The following DSCAML1 variants were observed in gnomAD, a reference collection of about 807,000 sequenced individuals.
DSCAML1 encodes the protein cell adhesion molecule DSCAML1.
DSCAML1 carries 38 observed loss-of-function variants against 200.5 expected under a neutral mutation model. The ratio of observed to expected loss-of-function variants is 0.19; its 90% confidence interval spans 0.15 to 0.25. The LOEUF is 0.25. DSCAML1 is among the 10% of genes least tolerant of loss of function. DSCAML1 has a pLI of 1.00. For missense variants in DSCAML1, 2,223 were observed against 2,858.8 expected, an observed-to-expected ratio of 0.78 and a Z score of 5.07; for synonymous variants, 1,215 against 1,165.0, an observed-to-expected ratio of 1.04 and a Z score of -0.87.
intron 3 of DSCAML1, among the ~76,000 whole-genome samples, chr11:117,693,999 T>C (rs933188542): frequency 6.6e-6 from 1 of 151,006 alleles, no homozygotes; most frequent in Admixed American, 6.6e-5. Context: ...CTCAGTGAAG[T>C]GTGGCTTTGT....
In DSCAML1 at chr11:117,469,840, G is replaced by A. The variant is rs964730699; in HGVS notation, c.3024+70C>T. On this transcript the variant is annotated intron_variant, in intron 16 of 32. Coordinates refer to ENST00000651296, the MANE Select transcript of DSCAML1 (RefSeq NM_020693.4). The surrounding 1 kb of genome is among the most constrained non-coding windows in gnomAD (Gnocchi z 4.1). ...CTAGAGACTAGCAAGCCTGCTGGGAGCTTTCGTCCTGGATTGAGGAGAGAG... is the reference window on the plus strand; with the variant it reads ...CTAGAGACTAGCAAGCCTGCTGGGAACTTTCGTCCTGGATTGAGGAGAGAG... 5.7e-6 allele frequency: 8 copies of A among 1,402,016 alleles called. No individual in the cohort carries two copies. The African/African-American group carries it at 1.0e-4, about 17-fold the overall frequency. The allele number at this position is 1,402,016 out of a possible 1,614,324, so 86.8% of individuals were successfully genotyped here.
intron 3 of DSCAML1, among the ~76,000 whole-genome samples, chr11:117,679,957 C>G (rs1432045324): frequency 6.6e-6 from 1 of 152,214 alleles, no homozygotes; most frequent in Non-Finnish European, 1.5e-5. Flanking sequence ...CTGTGATGCC[C>G]TGGACTTTGC....
rs181288393 is a variant in DSCAML1, at chr11:117,626,831, A to G, written c.512-94309T>C. 3.4e-3 allele frequency among the ~76,000 whole-genome samples: 512 copies of G among 152,272 alleles called. 4 individuals are homozygous for G. The highest frequency in any genetic ancestry group is 0.013 in the Admixed American group (203 of 15,300). On this transcript the variant is annotated intron_variant, in intron 3 of 32. Coordinates refer to ENST00000651296, the MANE Select transcript of DSCAML1 (RefSeq NM_020693.4). ...GGGACAAGACTCAGAGGGCCTGGCC[A>G]TGAGCGGCAGGTGCAGAGTAGGGGC...
intron 3 of DSCAML1, among the ~76,000 whole-genome samples, chr11:117,634,179 G>A (rs1385522118): frequency 6.6e-6 from 1 of 152,202 alleles, no homozygotes; most frequent in Admixed American, 6.5e-5. Context: ...GGATGATTCA[G>A]TTCCCTCATG....
intron 3 of DSCAML1, among the ~76,000 whole-genome samples, chr11:117,680,926 G>A (rs536379559): frequency 3.3e-5 from 5 of 152,300 alleles, no homozygotes; most frequent in African/African-American, 9.6e-5. Context: ...AGAGCCTGAC[G>A]AGGTGAAGCC....
chr11:117,755,894 G>C (rs1425945724), intron 3 of DSCAML1, among the ~76,000 whole-genome samples: 1 of 152,052 alleles, frequency 6.6e-6, no homozygotes, highest in East Asian at 1.9e-4. Context: ...GGCTCCTCTG[G>C]AGTTCCTGCC....
intron 3 of DSCAML1, among the ~76,000 whole-genome samples, chr11:117,541,659 G>C (rs2050270949): frequency 6.6e-6 from 1 of 152,208 alleles, no homozygotes; most frequent in Admixed American, 6.5e-5. Context: ...GGAGCTAACA[G>C]AAGAGAAAAA....
intron 3 of DSCAML1, among the ~76,000 whole-genome samples, chr11:117,687,983 C>G (rs2053434138): frequency 6.6e-6 from 1 of 152,202 alleles, no homozygotes. Context: ...GCAGCTTCTC[C>G]TGCAGACCCA....
chr11:117,661,054 C>T (rs2052839219), intron 3 of DSCAML1, among the ~76,000 whole-genome samples: 2 of 152,162 alleles, frequency 1.3e-5, no homozygotes, highest in Non-Finnish European at 2.9e-5. Flanking sequence ...CAGTCCTTTG[C>T]TTTCTTAGAA....
intron 1 of DSCAML1, among the ~76,000 whole-genome samples, chr11:117,788,309 T>C (rs2055398802): frequency 6.6e-6 from 1 of 151,988 alleles, no homozygotes; most frequent in South Asian, 2.1e-4. Flanking sequence ...GTTGTTGTTG[T>C]TTTGTTTTTG....
At chr11:117,435,520 C>G in intron 27 of DSCAML1, 124 bp downstream of exon 27, 1 of 1,165,680 alleles carries the variant, frequency 8.6e-7, no homozygotes, top group East Asian at 2.5e-5. Flanking sequence ...AGTGGCTGCT[C>G]CTCCTTCAAG....
chr11:117,652,883 TCTC>T (rs1485259804), intron 3 of DSCAML1, among the ~76,000 whole-genome samples: 11 of 152,250 alleles, frequency 7.2e-5, no homozygotes, highest in African/African-American at 1.4e-4. Flanking sequence ...CCATGGGACT[TCTC>T]CTTCTTTCTC....
At chr11:117,584,850 T>G (rs1239343918) in intron 3 of DSCAML1, among the ~76,000 whole-genome samples, 1 of 152,192 alleles carries the variant, frequency 6.6e-6, no homozygotes, top group Non-Finnish European at 1.5e-5. Context: ...TTCTGTAAAA[T>G]GGCTTAACAG....
chr11:117,581,166 T>C (rs1250933091), intron 3 of DSCAML1, among the ~76,000 whole-genome samples: 1 of 152,190 alleles, frequency 6.6e-6, no homozygotes, highest in Non-Finnish European at 1.5e-5. Flanking sequence ...CCTGTGCACT[T>C]TGAGGCAGGA....
At chr11:117,486,355 GGATGTGAAAGTGGCT>G (rs1247298321) in intron 11 of DSCAML1, among the ~76,000 whole-genome samples, 32 of 151,124 alleles carry the variant, frequency 2.1e-4, no homozygotes, top group African/African-American at 3.9e-4. Flanking sequence ...TGATAATGGC[GGATGTGAAAGTGGCT>G]GATGTGAAAA....
rs534500656 is a variant in DSCAML1 at position 117,632,236 on chromosome 11, C to T, written c.512-99714G>A. On this transcript the variant is annotated intron_variant, in intron 3 of 32. Coordinates refer to ENST00000651296, the MANE Select transcript of DSCAML1 (RefSeq NM_020693.4). ...GAAATGTCTCCTAAAGCCTCCTTAT[C>T]AGAGGATAGCCACATGCGGTCTTGG... 3.9e-5 allele frequency among the ~76,000 whole-genome samples: 6 copies of T among 152,330 alleles called. No homozygotes were observed. The East Asian group carries it at 5.8e-4, about 15-fold the overall frequency.
intron 3 of DSCAML1, among the ~76,000 whole-genome samples, chr11:117,694,737 C>A (rs753667421): frequency 6.6e-6 from 1 of 152,208 alleles, no homozygotes; most frequent in Non-Finnish European, 1.5e-5. Context: ...GGGGAAGGAG[C>A]CATCCTGGTT....
At chr11:117,808,229 A>G (rs1265746059) in intron 1 of DSCAML1, among the ~76,000 whole-genome samples, 1 of 152,218 alleles carries the variant, frequency 6.6e-6, no homozygotes, top group African/African-American at 2.4e-5. Context: ...GACTTGCTAA[A>G]AATTATGCAG....
intron 3 of DSCAML1, among the ~76,000 whole-genome samples, chr11:117,578,254 A>AAG (rs1555186550): frequency 6.0e-5 from 9 of 150,546 alleles, no homozygotes; most frequent in Admixed American, 4.0e-4. Context: ...AAAAAAAAAA[A>AAG]AAGAAGAAAA....
Sources: gnomAD v4.1 joint callset for allele counts (sites outside exome capture counted in the v4.1 genomes callset) on GRCh38, gnomAD v4.1.1 for gene constraint, Gnocchi (gnomAD v3.1) non-coding constraint, MANE v1.5 for transcripts, NCBI Gene and HGNC (gene_info 2026-07-23, HGNC 2026-07-21) for gene names.